The following CTNNA2 variants were observed in gnomAD, a reference collection of about 807,000 sequenced individuals.
The protein encoded by CTNNA2 is catenin alpha-2.
In CTNNA2, 42 loss-of-function variants were observed where a neutral mutation model predicts 101.0. The observed-to-expected ratio is 0.42, with a 90% confidence interval of 0.32 to 0.54. The LOEUF is 0.54. Among genes scored for constraint, CTNNA2 ranks in the 20% least tolerant of loss-of-function variants. CTNNA2 has a pLI of 0.14. For missense variants in CTNNA2, 871 were observed against 1,223.1 expected (o/e 0.71, Z 4.29); for synonymous variants, 450 against 456.4 (o/e 0.99, Z 0.18).
At chr2:80,155,772 A>C (rs1487328200) in intron 7 of CTNNA2, among the ~76,000 whole-genome samples, 1 of 152,032 alleles carries the variant, frequency 6.6e-6, no homozygotes, top group African/African-American at 2.4e-5. Flanking sequence ...TCTCAAAATT[A>C]AAATTCTATT....
At chr2:79,652,854 G>A (rs59484380) in intron 2 of CTNNA2, among the ~76,000 whole-genome samples, 17,400 of 152,094 alleles carry the variant, frequency 0.11, 1,460 homozygotes, top group East Asian at 0.42. Flanking sequence ...ACCAATCATA[G>A]CATCAACTCA....
chr2:80,341,640 T>A (rs1672258415), intron 7 of CTNNA2, among the ~76,000 whole-genome samples: 1 of 152,136 alleles, frequency 6.6e-6, no homozygotes, highest in South Asian at 2.1e-4. Flanking sequence ...TATGGAGAAA[T>A]TAGAACCCTC....
chr2:80,262,507 G>A (rs1050828511), intron 7 of CTNNA2, among the ~76,000 whole-genome samples: 141 of 152,120 alleles, frequency 9.3e-4, no homozygotes, highest in African/African-American at 3.2e-3. Flanking sequence ...GAAGTGCTTC[G>A]CTGCTGCTTC....
At chr2:80,430,325 T>C (rs927589604) in intron 9 of CTNNA2, among the ~76,000 whole-genome samples, 5 of 152,188 alleles carry the variant, frequency 3.3e-5, no homozygotes, top group Non-Finnish European at 4.4e-5. Flanking sequence ...ATGGTAATGT[T>C]CACACATTAT....
chr2:79,768,230 C>G (rs1673303549), intron 3 of CTNNA2, among the ~76,000 whole-genome samples: 1 of 151,630 alleles, frequency 6.6e-6, no homozygotes, highest in African/African-American at 2.4e-5. Context: ...TTCCCAGTGC[C>G]AGAGGTGCTC....
intron 2 of CTNNA2, among the ~76,000 whole-genome samples, chr2:79,305,373 C>CATATATATATATATATATATATAT (rs56285145): frequency 1.6e-4 from 22 of 138,236 alleles, no homozygotes; most frequent in African/African-American, 5.2e-4. Flanking sequence ...TATATATACA[C>CATATATATATATATATATATATAT]ATATATATAT....
intron 7 of CTNNA2, among the ~76,000 whole-genome samples, chr2:80,083,675 A>G: frequency 6.6e-6 from 1 of 152,178 alleles, no homozygotes; most frequent in Non-Finnish European, 1.5e-5. Flanking sequence ...TTGCTGGAAT[A>G]TTCTTACTTC....
rs759678663 is a variant in CTNNA2, at chr2:80,582,847, A to G, written c.2007+1028A>G. Among the ~76,000 whole-genome samples the G allele has an allele frequency of 2.9e-4, 44 of 152,314 alleles. No individual in the cohort carries two copies. In the Middle Eastern group the frequency reaches 0.014, roughly 47 times the overall value. ...GAAAGCCCACACTGCCTTAAGAATT[A>G]TGAAAGAAAAATAATCAGAGGTTAA... On this transcript the variant is annotated intron_variant, in intron 14 of 18. Coordinates refer to ENST00000402739, the MANE Select transcript of CTNNA2 (RefSeq NM_001282597.3).
chr2:79,353,391 C>T (rs1325689108), intron 3 of CTNNA2, among the ~76,000 whole-genome samples: 1 of 152,142 alleles, frequency 6.6e-6, no homozygotes, highest in Non-Finnish European at 1.5e-5. Context: ...TTTATTGAGA[C>T]TTGCTTTATG....
intron 1 of CTNNA2, among the ~76,000 whole-genome samples, chr2:79,541,479 A>G (rs1673418347): frequency 6.6e-6 from 1 of 150,654 alleles, no homozygotes; most frequent in African/African-American, 2.4e-5. Context: ...CTTGGTAAAA[A>G]TATGTACTAA....
Position 79,652,240 on chromosome 2 carries a change from T to A in CTNNA2, c.102+582T>A, listed in dbSNP as rs74795041. Among the ~76,000 whole-genome samples the A allele has an allele frequency of 0.024, 1,286 of 54,538 alleles. 27 individuals are homozygous for A. In the African/African-American group the frequency reaches 0.26, roughly 11 times the overall value. 35.8% of individuals were successfully genotyped at this position (54,538 alleles called of 152,430 possible). On this transcript the variant is annotated intron_variant, in intron 2 of 18. Transcript: ENST00000402739. ...AACTCTGAGATTCCTGGGATGTGAT[T>A]TTTTTTTTTTTTTTACCAAATTATA...
At chr2:80,590,505 A>G (rs1023239920) in intron 15 of CTNNA2, among the ~76,000 whole-genome samples, 1 of 152,142 alleles carries the variant, frequency 6.6e-6, no homozygotes, top group East Asian at 1.9e-4. Context: ...TTATTGAAAT[A>G]ATGTAAGATA....
chr2:80,011,270 A>G (rs1159606092), intron 7 of CTNNA2, among the ~76,000 whole-genome samples: 2 of 152,210 alleles, frequency 1.3e-5, no homozygotes, highest in African/African-American at 4.8e-5. Flanking sequence ...GTAAAATGCT[A>G]TAGTTGTAAA....
intron 9 of CTNNA2, among the ~76,000 whole-genome samples, chr2:80,528,056 G>T (rs747824905): frequency 6.6e-5 from 10 of 152,314 alleles, no homozygotes; most frequent in Non-Finnish European, 1.0e-4. Flanking sequence ...CAAATTAGCT[G>T]CATGACCAAG....
chr2:79,867,548 C>T (rs750189958), intron 4 of CTNNA2, among the ~76,000 whole-genome samples: 1 of 152,072 alleles, frequency 6.6e-6, no homozygotes, highest in Non-Finnish European at 1.5e-5. Flanking sequence ...TTCTTAGATC[C>T]TTCTGGATTC....
At chr2:80,250,993 G>GTCTTA (rs1671722430) in intron 7 of CTNNA2, among the ~76,000 whole-genome samples, 1 of 152,132 alleles carries the variant, frequency 6.6e-6, no homozygotes, top group Admixed American at 6.6e-5. Context: ...GGCTAAATGA[G>GTCTTA]TCTTAAGGGA....
At chr2:80,051,469 G>A (rs1225998249) in intron 7 of CTNNA2, among the ~76,000 whole-genome samples, 1 of 152,180 alleles carries the variant, frequency 6.6e-6, no homozygotes, top group Non-Finnish European at 1.5e-5. Flanking sequence ...CTTTAAGTGT[G>A]AAAGCATATT....
chr2:79,775,090 C>A (rs1054873839), intron 3 of CTNNA2, among the ~76,000 whole-genome samples: 3 of 152,274 alleles, frequency 2.0e-5, no homozygotes, highest in Admixed American at 6.5e-5. Context: ...ACAATAACAG[C>A]AGCTGCTGAT....
intron 9 of CTNNA2, among the ~76,000 whole-genome samples, chr2:80,430,380 A>G (rs1271482436): frequency 6.6e-6 from 1 of 152,122 alleles, no homozygotes; most frequent in East Asian, 1.9e-4. Flanking sequence ...TAATATCATA[A>G]TTTTGCAGAT....
Sources: gnomAD v4.1 joint callset for allele counts (sites outside exome capture counted in the v4.1 genomes callset) on GRCh38, gnomAD v4.1.1 for gene constraint, MANE v1.5 for transcripts, NCBI Gene and HGNC (gene_info 2026-07-23, HGNC 2026-07-21) for gene names.